TMEM132C: variants seen among roughly 807,000 people sequenced by gnomAD.
The protein encoded by TMEM132C is transmembrane protein 132C.
TMEM132C carries 29 observed loss-of-function variants against 61.4 expected under a neutral mutation model. The observed-to-expected ratio is 0.47, with a 90% CI of 0.35 to 0.64. The LOEUF (loss-of-function observed/expected upper bound fraction) is 0.64. Among genes scored for constraint, TMEM132C ranks in the 30% least tolerant of loss-of-function variants. TMEM132C has a pLI of 0.00. For missense variants in TMEM132C, 1,408 were observed against 1,476.9 expected, an observed-to-expected ratio of 0.95 and a Z score of 0.76; for synonymous variants, 656 against 633.1, an observed-to-expected ratio of 1.04 and a Z score of -0.54.
intron 3 of TMEM132C, among the ~76,000 whole-genome samples, chr12:128,613,107 C>T (rs981267553): frequency 3.9e-5 from 6 of 152,164 alleles, no homozygotes; most frequent in South Asian, 2.1e-4. Context: ...TATAGGCATC[C>T]GTTTGGGACT....
rs10653858 is a variant in TMEM132C, at chr12:128,295,041, C to CAAA, written c.85+27564_85+27566dup. Among the ~76,000 whole-genome samples, 640 of 148,704 alleles carry CAAA rather than the reference C, an allele frequency of 4.3e-3. 1 individual carries two copies. Among genetic ancestry groups the CAAA allele is most frequent in the East Asian group, 5.5e-3 (28 of 5,084 alleles). On this transcript the variant is annotated intron_variant, in intron 1 of 8. Transcript: ENST00000435159. ...AAGTTCAAGCTTCTTTGTCCCCCAGCAAAAAAAAAAAATTAAAAAATTGAG... is the reference window on the plus strand; with the variant it reads ...AAGTTCAAGCTTCTTTGTCCCCCAGCAAAAAAAAAAAAAAATTAAAAAATTGAG...
chr12:128,269,450 G>A (rs949049944), intron 1 of TMEM132C, among the ~76,000 whole-genome samples: 1 of 151,806 alleles, frequency 6.6e-6, no homozygotes, highest in Non-Finnish European at 1.5e-5. Context: ...TGGGGGCAGT[G>A]ATTTGGCTGG....
chr12:128,646,820 C>T (rs1346193474), intron 4 of TMEM132C, among the ~76,000 whole-genome samples: 1 of 151,592 alleles, frequency 6.6e-6, no homozygotes, highest in African/African-American at 2.4e-5. Context: ...TACTGGAGTC[C>T]ATCGGCATTG....
chr12:128,684,007 T>TAAAGAAAG (rs775490351), intron 5 of TMEM132C, among the ~76,000 whole-genome samples: 1 of 139,008 alleles, frequency 7.2e-6, no homozygotes, highest in Non-Finnish European at 1.6e-5. Flanking sequence ...AATAAATAAA[T>TAAAGAAAG]AAATGTTGGT....
intron 3 of TMEM132C, among the ~76,000 whole-genome samples, chr12:128,558,880 G>A (rs1263118679): frequency 1.3e-5 from 2 of 152,158 alleles, no homozygotes; most frequent in Non-Finnish European, 2.9e-5. Flanking sequence ...ACTTTCCTAA[G>A]GTATATTCCC....
intron 1 of TMEM132C, among the ~76,000 whole-genome samples, chr12:128,390,337 G>A (rs1205909951): frequency 6.6e-6 from 1 of 152,206 alleles, no homozygotes; most frequent in African/African-American, 2.4e-5. Context: ...CAGCTCCGGA[G>A]GCAAATGCGT....
intron 1 of TMEM132C, among the ~76,000 whole-genome samples, chr12:128,400,614 T>A (rs200205185): frequency 1.7e-5 from 2 of 117,820 alleles, no homozygotes; most frequent in Non-Finnish European, 3.6e-5. Flanking sequence ...TTTTTTTTTT[T>A]GTTTGCAGGG....
chr12:128,359,598 T>A (rs2135970508), intron 1 of TMEM132C, among the ~76,000 whole-genome samples: 1 of 152,328 alleles, frequency 6.6e-6, no homozygotes, highest in East Asian at 1.9e-4. Flanking sequence ...GCCACTTCTA[T>A]TCCCTGACCC....
intron 3 of TMEM132C, among the ~76,000 whole-genome samples, chr12:128,578,572 G>A (rs997691950): frequency 6.6e-6 from 1 of 152,048 alleles, no homozygotes; most frequent in Non-Finnish European, 1.5e-5. Context: ...ACCTGAGAAT[G>A]GAAAATTAAA....
intron 1 of TMEM132C, among the ~76,000 whole-genome samples, chr12:128,343,083 T>C (rs1873030850): frequency 6.6e-6 from 1 of 152,020 alleles, no homozygotes; most frequent in South Asian, 2.1e-4. Context: ...AGGTGGCAGT[T>C]GGGGAACGTT....
intron 6 of TMEM132C, among the ~76,000 whole-genome samples, chr12:128,695,292 G>A (rs1593151717): frequency 6.6e-6 from 1 of 152,154 alleles, no homozygotes; most frequent in East Asian, 1.9e-4. Flanking sequence ...GGCCAAGGTG[G>A]GAGAATCACT....
chr12:128,659,340 TC>T, intron 4 of TMEM132C, among the ~76,000 whole-genome samples: 1 of 152,184 alleles, frequency 6.6e-6, no homozygotes, highest in South Asian at 2.1e-4. Context: ...ACACCTGCTC[TC>T]CCCACAGAAA....
intron 3 of TMEM132C, among the ~76,000 whole-genome samples, chr12:128,556,986 G>T (rs1453723820): frequency 6.6e-6 from 1 of 152,162 alleles, no homozygotes; most frequent in Non-Finnish European, 1.5e-5. Context: ...TTGTAGCATA[G>T]CAACATGAAA....
Position 128,674,591 on chromosome 12 carries a change from C to T in TMEM132C, c.1449+5031C>T, listed in dbSNP as rs975345668. Among the ~76,000 whole-genome samples the T allele has an allele frequency of 5.3e-5, 8 of 152,264 alleles. No homozygotes were observed. In the South Asian group the frequency reaches 1.7e-3, roughly 32 times the overall value. ...TCTCACGAGTCATATCTGAGGGTTT[C>T]CTCTCCAGCTTATTGGGAAAATCCA... is the stretch of plus-strand genomic sequence containing the variant. On this transcript the variant is annotated intron_variant, in intron 5 of 8. Transcript: ENST00000435159.
intron 2 of TMEM132C, among the ~76,000 whole-genome samples, chr12:128,446,021 C>T (rs1190796180): frequency 6.6e-6 from 1 of 152,170 alleles, no homozygotes. Context: ...GTCCTTTTCC[C>T]CACTCATGCT....
At chr12:128,310,988 A>G (rs960344179) in intron 1 of TMEM132C, among the ~76,000 whole-genome samples, 1 of 152,240 alleles carries the variant, frequency 6.6e-6, no homozygotes, top group South Asian at 2.1e-4. Context: ...AATCACATGT[A>G]CCCTTCAACT....
chr12:128,355,016 T>C (rs1437599504), intron 1 of TMEM132C, among the ~76,000 whole-genome samples: 2 of 152,320 alleles, frequency 1.3e-5, no homozygotes, highest in Non-Finnish European at 2.9e-5. Flanking sequence ...AACCTTTCAG[T>C]GGGGAAACCA....
At chr12:128,364,824 A>G (rs1468067716) in intron 1 of TMEM132C, among the ~76,000 whole-genome samples, 1 of 152,136 alleles carries the variant, frequency 6.6e-6, no homozygotes, top group African/African-American at 2.4e-5. Flanking sequence ...CACTAATTTG[A>G]CAAAGAGCCA....
chr12:128,531,584 T>C (rs7976554), intron 2 of TMEM132C, among the ~76,000 whole-genome samples: 58,878 of 152,016 alleles, frequency 0.39, 11,929 homozygotes, highest in African/African-American at 0.48. Context: ...CACATGCGTG[T>C]GCACACACAC....
Sources: allele counts gnomAD v4.1 joint callset (sites outside exome capture counted in the v4.1 genomes callset), GRCh38; gene constraint gnomAD v4.1.1; transcripts MANE v1.5; gene names NCBI Gene and HGNC (gene_info 2026-07-23, HGNC 2026-07-21).